CRACD: variants seen among roughly 807,000 people sequenced by gnomAD.
CRACD encodes capping protein-inhibiting regulator of actin dynamics.
Under a neutral mutation model 106.8 loss-of-function variants are expected in CRACD, and 56 were observed. That is an observed-to-expected ratio of 0.52 (90% CI 0.42 to 0.66). CRACD has a LOEUF of 0.66. Ranked by LOEUF, CRACD falls within the 30% of genes least tolerant of loss-of-function variation. The pLI is 0.00. For missense variants in CRACD, 1,730 were observed against 1,623.2 expected, an observed-to-expected ratio of 1.07 and a Z score of -1.13; for synonymous variants, 754 against 670.8, an observed-to-expected ratio of 1.12 and a Z score of -1.92.
At chr4:56,073,665 C>T (rs1467286967) in intron 1 of CRACD, among the ~76,000 whole-genome samples, 1 of 152,184 alleles carries the variant, frequency 6.6e-6, no homozygotes, top group Admixed American at 6.5e-5. Flanking sequence ...CTTGTTCACT[C>T]TGATGATAGT....
rs1258282556 is a variant in CRACD at position 56,316,353 on chromosome 4, G to A, written c.2851G>A (p.Ala951Thr). 1 of 1,614,076 alleles carries A rather than the reference G, an allele frequency of 6.2e-7. No homozygotes were observed. The change falls in exon 8 of 11, where the codon GCA becomes ACA. Residue 951 changes from alanine (A) to threonine (T), a missense_variant. This residue lies in a region of CRACD where 1,620 missense variants were observed against 1,481.6 expected (regional missense o/e 1.09). Transcript: ENST00000682029. Reference sequence around the variant, plus strand: ...GACCCCGGCTCCGGAGCACGACAAGGCAGCAAACAAAATGCCACTGGCACA... The same window carrying A: ...GACCCCGGCTCCGGAGCACGACAAGACAGCAAACAAAATGCCACTGGCACA... Reference protein sequence around the residue: ...SQTPAPEHDKAANKMPLAQKP... With the variant: ...SQTPAPEHDKTANKMPLAQKP...
At chr4:56,306,789 C>T (rs560778043) in intron 4 of CRACD, among the ~76,000 whole-genome samples, 1 of 152,180 alleles carries the variant, frequency 6.6e-6, no homozygotes, top group Non-Finnish European at 1.5e-5. Context: ...CCACCACTCA[C>T]CAGTAGTCAG....
intron 4 of CRACD, 62 bp downstream of exon 4, chr4:56,298,411 GGAAAAGTCCCGA>G (rs1296326550): frequency 5.0e-6 from 8 of 1,593,730 alleles, no homozygotes; most frequent in Non-Finnish European, 6.0e-6. Context: ...AAGGGAAGTG[GGAAAAGTCCCGA>G]GCTTGGCCTT....
At chr4:56,319,298 C>A (rs1745894460) in intron 8 of CRACD, among the ~76,000 whole-genome samples, 1 of 152,112 alleles carries the variant, frequency 6.6e-6, no homozygotes, top group Non-Finnish European at 1.5e-5. Flanking sequence ...AGTCAGGGTA[C>A]TAAGTATTAG....
chr4:56,122,571 A>G (rs1056289301), intron 1 of CRACD, among the ~76,000 whole-genome samples: 1 of 152,116 alleles, frequency 6.6e-6, no homozygotes, highest in Non-Finnish European at 1.5e-5. Flanking sequence ...TGCATTATGC[A>G]CTGTTACTAG....
chr4:56,144,763 T>G (rs967002898), intron 1 of CRACD, among the ~76,000 whole-genome samples: 1 of 151,998 alleles, frequency 6.6e-6, no homozygotes, highest in Admixed American at 6.6e-5. Context: ...TCAGGTGATT[T>G]CCTGTCTCAG....
Position 56,286,239 on chromosome 4 carries a change from C to G in CRACD, c.-16-11975C>G, listed in dbSNP as rs1002508795. On this transcript the variant is annotated intron_variant, in intron 3 of 10. Transcript: ENST00000682029. The stretch of plus-strand genomic sequence containing the variant: ...AAAACCCCATCTCTACTAAAAATAC[C>G]AAAATTAGACGAGTGTGGTGGCACG... 4.0e-5 allele frequency among the ~76,000 whole-genome samples: 6 copies of G among 151,688 alleles called. No homozygotes were observed. The East Asian group carries it at 9.7e-4, about 24-fold the overall frequency.
At chr4:56,326,619 C>T (rs1333296979) in intron 10 of CRACD, among the ~76,000 whole-genome samples, 1 of 152,124 alleles carries the variant, frequency 6.6e-6, no homozygotes, top group East Asian at 1.9e-4. Context: ...GAAGCCTATA[C>T]ACTCTGATAA....
intron 2 of CRACD, among the ~76,000 whole-genome samples, chr4:56,201,604 C>T (rs957062304): frequency 2.5e-4 from 38 of 152,026 alleles, no homozygotes; most frequent in African/African-American, 8.5e-4. Flanking sequence ...ACGGAAGTTT[C>T]ACAGATGGCC....
chr4:56,050,356 A>G (rs1315724536), intron 1 of CRACD, among the ~76,000 whole-genome samples: 2 of 151,014 alleles, frequency 1.3e-5, no homozygotes, highest in Non-Finnish European at 3.0e-5. Flanking sequence ...GGGAGTGGTT[A>G]GAATACAAAG....
At chr4:56,237,756 AC>A (rs1740068147) in intron 2 of CRACD, among the ~76,000 whole-genome samples, 5 of 151,060 alleles carry the variant, frequency 3.3e-5, no homozygotes, top group South Asian at 2.1e-4. Flanking sequence ...ACACACACAC[AC>A]ACACAAACAC....
Position 56,314,155 on chromosome 4 carries a change from A to T in CRACD, c.653A>T (p.Glu218Val). ...GAGGAACCCAATCCGCTGGATTCCG[A>T]GGAAGAGAGAAGACGCCAAGAAGAC... ...HEEEPNPLDS[E>V]EERRRQEDYW... Residue 218 changes from glutamate to valine, a missense_variant, in exon 8 of 11, where the codon GAG becomes GTG. Coordinates refer to ENST00000682029, the MANE Select transcript of CRACD (RefSeq NM_001393381.1). This position sits in a 1 kb window ranked among gnomAD's most constrained non-coding sequence, Gnocchi z 4.4. The T allele has an allele frequency of 1.2e-6, 2 of 1,614,104 alleles. No homozygotes were observed. Among genetic ancestry groups the T allele is most frequent in the Admixed American group, 1.7e-5 (1 of 60,012 alleles).
chr4:56,117,239 T>C (rs1422492275), intron 1 of CRACD, among the ~76,000 whole-genome samples: 1 of 152,000 alleles, frequency 6.6e-6, no homozygotes, highest in Admixed American at 6.6e-5. Flanking sequence ...GCCAGGATGG[T>C]CTCTATCTCC....
chr4:56,056,608 A>AC (rs1470681316), intron 1 of CRACD, among the ~76,000 whole-genome samples: 12 of 151,250 alleles, frequency 7.9e-5, no homozygotes, highest in East Asian at 7.7e-4. Context: ...CAAAAAAAAA[A>AC]CAAACAAAAA....
chr4:56,290,346 G>A (rs1440773869), intron 3 of CRACD, among the ~76,000 whole-genome samples: 1 of 152,166 alleles, frequency 6.6e-6, no homozygotes, highest in Admixed American at 6.5e-5. Flanking sequence ...CAGAGCCCGG[G>A]GGATGAGAGT....
At chr4:56,222,711 C>T (rs1014048412) in intron 2 of CRACD, among the ~76,000 whole-genome samples, 6 of 151,874 alleles carry the variant, frequency 4.0e-5, no homozygotes, top group South Asian at 2.1e-4. Context: ...TTTGGGAGGC[C>T]GAAGCTGGTG....
intron 2 of CRACD, among the ~76,000 whole-genome samples, chr4:56,213,425 A>G (rs1216629157): frequency 6.6e-6 from 1 of 152,064 alleles, no homozygotes; most frequent in African/African-American, 2.4e-5. Context: ...CAGCCTGGGC[A>G]ACAAGAGTGA....
chr4:56,160,620 G>C (rs2109903196), intron 1 of CRACD, among the ~76,000 whole-genome samples: 1 of 152,368 alleles, frequency 6.6e-6, no homozygotes, highest in East Asian at 1.9e-4. Context: ...ATGCAGGTTT[G>C]ACTTGGGCTT....
At chr4:56,222,997 AT>A (rs1334113352) in intron 2 of CRACD, among the ~76,000 whole-genome samples, 7 of 151,660 alleles carry the variant, frequency 4.6e-5, no homozygotes, top group African/African-American at 1.7e-4. Flanking sequence ...AAAAAAATTA[AT>A]TAATTAAATT....
Sources: gnomAD v4.1 joint callset for allele counts (sites outside exome capture counted in the v4.1 genomes callset) on GRCh38, gnomAD v4.1.1 for gene constraint, gnomAD v4.1.1 regional missense constraint, Gnocchi (gnomAD v3.1) non-coding constraint, MANE v1.5 for transcripts, NCBI Gene and HGNC (gene_info 2026-07-23, HGNC 2026-07-21) for gene names.